Variants in JAK1 observed in about 807,000 individuals in gnomAD.
The protein encoded by JAK1 is tyrosine-protein kinase JAK1.
Under a neutral mutation model 136.6 loss-of-function variants are expected in JAK1, and 16 were observed. That is an observed-to-expected ratio of 0.12 (90% CI 0.08 to 0.18). The LOEUF (loss-of-function observed/expected upper bound fraction) is 0.18, where lower values mean the gene tolerates loss of function less well. JAK1 is among the 10% of genes least tolerant of loss of function. JAK1 has a pLI of 1.00. For missense variants in JAK1, 859 were observed against 1,450.1 expected (o/e 0.59, Z 6.62); for synonymous variants, 492 against 519.5 (o/e 0.95, Z 0.72).
At chr1:64,866,701 C>T (rs1381095170) in intron 7 of JAK1, among the ~76,000 whole-genome samples, 165 bp downstream of exon 7, 3 of 152,096 alleles carry the variant, frequency 2.0e-5, no homozygotes, top group African/African-American at 7.2e-5. Context: ...TTATTTAGAC[C>T]TTGTGCTACA....
At chr1:65,053,724 A>G (rs1412467623) in intron 1 of JAK1, among the ~76,000 whole-genome samples, 1 of 152,164 alleles carries the variant, frequency 6.6e-6, no homozygotes, top group Non-Finnish European at 1.5e-5. Flanking sequence ...ATGGTGGTGC[A>G]CACCCATAGT....
chr1:64,966,688 C>T (rs1260793268), upstream of JAK1, among the ~76,000 whole-genome samples: 1 of 151,074 alleles, frequency 6.6e-6, no homozygotes, highest in Non-Finnish European at 1.5e-5. Context: ...CTCTGCGCCT[C>T]CGGCCTACCC....
intron 24 of JAK1, 94 bp downstream of exon 24, chr1:64,835,302 T>A (rs1256025457): frequency 6.3e-6 from 4 of 630,556 alleles, no homozygotes; most frequent in South Asian, 4.8e-5. Context: ...CTGCATCATT[T>A]CCTCGCTCTC....
chr1:65,019,280 A>G (rs1351215258), intron 2 of JAK1, among the ~76,000 whole-genome samples: 1 of 152,184 alleles, frequency 6.6e-6, no homozygotes, highest in Non-Finnish European at 1.5e-5. Flanking sequence ...AATTTGACCT[A>G]TGGATGTATG....
chr1:65,067,379 G>GC (rs937638202), intron 1 of JAK1, among the ~76,000 whole-genome samples: 1 of 149,176 alleles, frequency 6.7e-6, no homozygotes, highest in African/African-American at 2.4e-5. Flanking sequence ...CGCTCTGTGC[G>GC]CCCCACGGCT....
At chr1:64,842,683 C>T (rs958028606) in intron 17 of JAK1, among the ~76,000 whole-genome samples, 20 of 152,252 alleles carry the variant, frequency 1.3e-4, no homozygotes, top group East Asian at 5.8e-4. Flanking sequence ...GCCCAGGGTA[C>T]GCAGCACGTG....
At chr1:64,860,652 C>T (rs1570654456) in intron 8 of JAK1, among the ~76,000 whole-genome samples, 1 of 151,992 alleles carries the variant, frequency 6.6e-6, no homozygotes, top group Admixed American at 6.6e-5. Flanking sequence ...CGGGGTTTCA[C>T]CATGTTGGCC....
intron 1 of JAK1, among the ~76,000 whole-genome samples, chr1:64,940,817 C>T (rs900096595): frequency 3.9e-5 from 6 of 152,152 alleles, no homozygotes; most frequent in African/African-American, 1.4e-4. Context: ...TATTCAGTCG[C>T]TTCAGTTCAA....
At chr1:65,021,661 C>T (rs1260209323) in intron 2 of JAK1, among the ~76,000 whole-genome samples, 1 of 152,122 alleles carries the variant, frequency 6.6e-6, no homozygotes, top group Non-Finnish European at 1.5e-5. Context: ...CTGTCTATCC[C>T]CGCTAGGTAG....
chr1:65,062,331 A>G (rs2100893341), intron 1 of JAK1, among the ~76,000 whole-genome samples: 1 of 152,322 alleles, frequency 6.6e-6, no homozygotes, highest in East Asian at 1.9e-4. Flanking sequence ...CTCACAAGTC[A>G]GTTTTATATG....
At chr1:65,008,770 C>G (rs1290864750) in intron 2 of JAK1, among the ~76,000 whole-genome samples, 1 of 152,130 alleles carries the variant, frequency 6.6e-6, no homozygotes, top group African/African-American at 2.4e-5. Context: ...TCATTGCAGC[C>G]TCAACCTGCC....
At chr1:65,058,527 C>T (rs200269410) in intron 1 of JAK1, 31 of 531,912 alleles carry the variant, frequency 5.8e-5, no homozygotes, top group Non-Finnish European at 1.0e-4. Context: ...GTCACTGTGT[C>T]GGTCAACGGC....
intron 20 of JAK1, 95 bp downstream of exon 20, chr1:64,839,508 C>G (rs1654754032): frequency 1.9e-6 from 2 of 1,051,768 alleles, no homozygotes; most frequent in Admixed American, 2.4e-5. Flanking sequence ...GTCAGACGCC[C>G]AGGTAAGGCC....
chr1:64,970,134 C>A (rs1452903331), upstream of JAK1, among the ~76,000 whole-genome samples: 90 of 49,498 alleles, frequency 1.8e-3, no homozygotes, highest in African/African-American at 3.1e-3. Flanking sequence ...GACCCTGTCT[C>A]AAAAAAAAAA....
At chr1:65,000,058 T>G (rs1646740197) in intron 2 of JAK1, among the ~76,000 whole-genome samples, 1 of 151,560 alleles carries the variant, frequency 6.6e-6, no homozygotes, top group South Asian at 2.1e-4. Context: ...TGGCACGATC[T>G]TGGGTCACTG....
chr1:64,922,490 A>ATT (rs5774734), intron 1 of JAK1, among the ~76,000 whole-genome samples: 14 of 151,168 alleles, frequency 9.3e-5, no homozygotes, highest in Non-Finnish European at 1.3e-4. Flanking sequence ...TTATAAACAC[A>ATT]TTTTTTTTTA....
intron 2 of JAK1, 136 bp downstream of exon 2, chr1:64,886,123 G>A: frequency 5.4e-6 from 3 of 553,104 alleles, no homozygotes; most frequent in Non-Finnish European, 6.4e-6. Context: ...ACTCAACATT[G>A]GGAATGAATA....
chr1:64,855,627 G>C lies in JAK1; in HGVS notation c.1530C>G (p.His510Gln). ...IEVQKGRYSLHGSDRSFPSLG... is the reference protein window; with the variant it reads ...IEVQKGRYSLQGSDRSFPSLG... ...AGCTGGGGAAGCTGCGGTCCGAACC[G>C]TGCAGACTGTAGCGGCCCTTCTGCA... is the stretch of plus-strand genomic sequence containing the variant. Residue 510 changes from histidine (H) to glutamine (Q), a missense_variant, in exon 11 of 25, where the codon CAC becomes CAG. Physicochemically the swap from His to Gln is conservative, Grantham distance 24. Around this residue, in one of 4 missense-constraint regions of JAK1, gnomAD observed 409 missense variants for 753.8 expected, o/e 0.54. Coordinates refer to ENST00000342505, the MANE Select transcript of JAK1 (RefSeq NM_002227.4). 1 of 1,614,116 alleles carries C rather than the reference G, an allele frequency of 6.2e-7. No homozygotes were observed. Among genetic ancestry groups the C allele is most frequent in the South Asian group, 1.1e-5 (1 of 91,060 alleles).
chr1:64,859,906 AG>A, intron 9 of JAK1, 198 bp downstream of exon 9: 1 of 414,590 alleles, frequency 2.4e-6, no homozygotes. Flanking sequence ...AGCAGCATTG[AG>A]GGGCTGCTGC....
Sources: gnomAD v4.1 joint callset for allele counts (sites outside exome capture counted in the v4.1 genomes callset) on GRCh38, gnomAD v4.1.1 for gene constraint, gnomAD v4.1.1 regional missense constraint, MANE v1.5 for transcripts, NCBI Gene and HGNC (gene_info 2026-07-23, HGNC 2026-07-21) for gene names.